Variants in LAMA4 observed in about 807,000 individuals in gnomAD.
LAMA4 encodes the protein laminin subunit alpha 4, also known as laminin subunit alpha-4.
LAMA4 carries 127 observed loss-of-function variants against 207.1 expected under a neutral mutation model. That is an observed-to-expected ratio of 0.61 (90% CI 0.53 to 0.71). The LOEUF (loss-of-function observed/expected upper bound fraction) is 0.71, where lower values mean the gene tolerates loss of function less well. Ranked by LOEUF, LAMA4 falls within the 30% of genes least tolerant of loss-of-function variation. The pLI is 0.00. For synonymous variants in LAMA4, 761 were observed against 816.0 expected, an observed-to-expected ratio of 0.93 and a Z score of 1.15; for missense variants, 2,093 against 2,246.5, an observed-to-expected ratio of 0.93 and a Z score of 1.38.
chr6:112,172,240 G>A (rs1781758201), intron 12 of LAMA4: 1 of 238,954 alleles, frequency 4.2e-6, no homozygotes, highest in Non-Finnish European at 8.3e-6. Context: ...TTTGCTTATC[G>A]TGCCTTTCCA....
At chr6:112,185,778 A>G (rs1362901417) in intron 8 of LAMA4, among the ~76,000 whole-genome samples, 1 of 152,190 alleles carries the variant, frequency 6.6e-6, no homozygotes, top group African/African-American at 2.4e-5. Context: ...AAGTCTCTTT[A>G]TTTCAGACCC....
intron 19 of LAMA4, among the ~76,000 whole-genome samples, 174 bp downstream of exon 19, chr6:112,144,620 T>C (rs528994761): frequency 7.9e-5 from 12 of 152,286 alleles, no homozygotes; most frequent in Non-Finnish European, 1.5e-4. Context: ...GGACCAGGAA[T>C]TGGTTTCGTT....
intron 13 of LAMA4, among the ~76,000 whole-genome samples, chr6:112,163,528 G>C (rs1781203846): frequency 6.6e-6 from 1 of 152,106 alleles, no homozygotes; most frequent in Admixed American, 6.5e-5. Context: ...CTGGTGTTTA[G>C]AGGAGGGAGG....
chr6:112,184,822 C>T (rs1782590303), intron 9 of LAMA4, among the ~76,000 whole-genome samples: 1 of 151,918 alleles, frequency 6.6e-6, no homozygotes, highest in African/African-American at 2.4e-5. Flanking sequence ...CAGGACAATT[C>T]CCTTTCTTTC....
Position 112,109,359 on chromosome 6 carries a change from A to C in LAMA4, c.*78T>G. The C allele has an allele frequency of 1.3e-6, 2 of 1,504,632 alleles. No homozygotes were observed. The highest frequency in any genetic ancestry group is 1.8e-6 in the Non-Finnish European group (2 of 1,087,162). The allele number at this position is 1,504,632 out of a possible 1,614,324, so 93.2% of individuals were successfully genotyped here. A position where few individuals can be genotyped will look rare whatever the true frequency, so the allele number is the denominator to read the frequency against. On this transcript the variant is annotated 3_prime_UTR_variant, in exon 39 of 39. Transcript: ENST00000230538. ...AAAGCTTCCACCCGAAGGAAGAGTT[A>C]CTGTTCCTCCTGGCTGGCTTTGTGT...
intron 10 of LAMA4, among the ~76,000 whole-genome samples, chr6:112,176,811 C>CAA (rs1782051942): frequency 2.6e-5 from 4 of 152,170 alleles, no homozygotes; most frequent in Non-Finnish European, 4.4e-5. Flanking sequence ...ACGATTCACA[C>CAA]ATTATTTTAA....
chr6:112,234,901 T>C (rs539469704), intron 2 of LAMA4: 1 of 152,330 alleles, frequency 6.6e-6, no homozygotes, highest in East Asian at 1.9e-4. Flanking sequence ...CTTACAAATA[T>C]CTTTGGATAT....
chr6:112,254,860 G>A (rs180791051), upstream of LAMA4: 302 of 152,608 alleles, frequency 2.0e-3, 1 homozygote, highest in Non-Finnish European at 3.8e-3. Flanking sequence ...GGAACCAAAG[G>A]TAGATGATCT....
intron 16 of LAMA4, among the ~76,000 whole-genome samples, chr6:112,153,506 G>A (rs73766944): frequency 0.015 from 2,296 of 152,156 alleles, 52 homozygotes; most frequent in East Asian, 0.076. Flanking sequence ...AAGGGATGTG[G>A]GTAGGGATCG....
rs555120326 is a variant in LAMA4 at position 112,175,612 on chromosome 6, G to A, written c.1190-132C>T. On this transcript the variant is annotated intron_variant, in intron 10 of 38. Transcript: ENST00000230538. Reference sequence around the variant, plus strand: ...GGAAAGAGAGACTCATTCAAAAGCAGCGTGCTAGTGTTCATGCTGTGAATC... The same window carrying A: ...GGAAAGAGAGACTCATTCAAAAGCAACGTGCTAGTGTTCATGCTGTGAATC... 795 of 868,680 alleles carry A rather than the reference G, an allele frequency of 9.2e-4. 5 individuals are homozygous for A. In the African/African-American group the frequency reaches 0.012, roughly 13 times the overall value. 53.8% of individuals were successfully genotyped at this position (868,680 alleles called of 1,614,324 possible).
chr6:112,139,419 C>T, intron 23 of LAMA4, 128 bp from the exon 24 acceptor site: 1 of 1,008,806 alleles, frequency 9.9e-7, no homozygotes, highest in Non-Finnish European at 1.5e-6. Context: ...GTCCTGTTGT[C>T]TGCAAGGAAG....
Position 112,139,752 on chromosome 6 carries a change from C to G in LAMA4, c.3110G>C (p.Arg1037Pro), listed in dbSNP as rs201939337. The G allele has an allele frequency of 6.2e-7, 1 of 1,613,754 alleles. No homozygotes were observed. The highest frequency in any genetic ancestry group is 8.5e-7 in the Non-Finnish European group (1 of 1,179,708). The stretch of plus-strand genomic sequence containing the variant: ...TTTAGTACTCTTAACTGTCTCTTAC[C>G]GGGCACATGGCACTGATGTGGAGGG... Reference protein sequence around the residue: ...MDPSTSVPCARDKLAFTQSRA... With the variant: ...MDPSTSVPCAPDKLAFTQSRA... Residue 1037 changes from arginine (R) to proline (P), a missense_variant and splice_region_variant, in exon 23 of 39, where the codon CGA (arginine) becomes CCA (proline). By Grantham distance (103) the Arg-to-Pro change is moderately radical. Transcript: ENST00000230538.
chr6:112,136,077 G>A, intron 25 of LAMA4, 46 bp downstream of exon 25: 1 of 1,567,558 alleles, frequency 6.4e-7, no homozygotes, highest in Non-Finnish European at 8.7e-7. Flanking sequence ...ACAGATCTAA[G>A]TATAAAGAAC....
In LAMA4 at chr6:112,185,225, A is replaced by T. The variant is rs1554346264; in HGVS notation, c.1077+12T>A. On this transcript the variant is annotated intron_variant, in intron 9 of 38. Coordinates refer to ENST00000230538, the MANE Select transcript of LAMA4 (RefSeq NM_001105206.3). ...GAAGGCTGTCCCAGAAACTGAATACATACATACGTACCTTTTCAACTAATT... is the reference window on the plus strand; with the variant it reads ...GAAGGCTGTCCCAGAAACTGAATACTTACATACGTACCTTTTCAACTAATT... The T allele has an allele frequency of 6.6e-7, 1 of 1,519,116 alleles. No homozygotes were observed. The highest frequency in any genetic ancestry group is 1.1e-5 in the South Asian group (1 of 89,194). 94.1% of individuals were successfully genotyped at this position (1,519,116 alleles called of 1,614,324 possible). A position where few individuals can be genotyped will look rare whatever the true frequency, so the allele number is the denominator to read the frequency against.
chr6:112,143,413 T>C (rs1779827089), intron 19 of LAMA4, among the ~76,000 whole-genome samples: 1 of 151,612 alleles, frequency 6.6e-6, no homozygotes, highest in Admixed American at 6.6e-5. Flanking sequence ...GCCTCCTGAG[T>C]AACTGGGACT....
At chr6:112,113,613 A>G (rs77899557) in intron 38 of LAMA4, among the ~76,000 whole-genome samples, 296 of 152,332 alleles carry the variant, frequency 1.9e-3, no homozygotes, top group African/African-American at 6.9e-3. Flanking sequence ...GTCACTACCA[A>G]TGGACAACAA....
intron 3 of LAMA4, among the ~76,000 whole-genome samples, chr6:112,212,074 G>C (rs1196130598): frequency 6.6e-6 from 1 of 151,944 alleles, no homozygotes; most frequent in Admixed American, 6.6e-5. Flanking sequence ...TGGTTGGGGA[G>C]GTAAAAAAGG....
chr6:112,121,840 T>C (rs1778378811), intron 32 of LAMA4, 174 bp downstream of exon 32: 6 of 625,108 alleles, frequency 9.6e-6, no homozygotes, highest in Non-Finnish European at 1.7e-5. Context: ...TCACAGAGAA[T>C]ATAATTCTTT....
chr6:112,192,050 G>C (rs1453195314), intron 5 of LAMA4, among the ~76,000 whole-genome samples, 200 bp from the exon 6 acceptor site: 2 of 152,160 alleles, frequency 1.3e-5, no homozygotes, highest in African/African-American at 4.8e-5. Flanking sequence ...TAGATCATTT[G>C]GTTCACTTCA....
Sources: gnomAD v4.1 joint callset for allele counts (sites outside exome capture counted in the v4.1 genomes callset) on GRCh38, gnomAD v4.1.1 for gene constraint, MANE v1.5 for transcripts, NCBI Gene and HGNC (gene_info 2026-07-23, HGNC 2026-07-21) for gene names.